Variants in SLC26A4 observed in about 807,000 individuals in gnomAD.
SLC26A4 encodes the protein solute carrier family 26 member 4.
SLC26A4 carries 93 observed loss-of-function variants against 90.4 expected under a neutral mutation model. That is an observed-to-expected ratio of 1.03 (90% CI 0.87 to 1.22). The LOEUF is 1.22. Ranked by LOEUF, SLC26A4 falls within the 50% of genes most tolerant of loss-of-function variation. SLC26A4 has a pLI of 0.00. For missense variants in SLC26A4, 1,127 were observed against 946.2 expected (o/e 1.19, Z -2.51); for synonymous variants, 393 against 354.6 (o/e 1.11, Z -1.22).
At chr7:107,699,129 A>G (rs899700472) in intron 14 of SLC26A4, among the ~76,000 whole-genome samples, 1 of 152,192 alleles carries the variant, frequency 6.6e-6, no homozygotes, top group Non-Finnish European at 1.5e-5. Context: ...AGTGCCATTA[A>G]GAGCTAAAAT....
At chr7:107,668,346 T>C (rs1790773281) in intron 3 of SLC26A4, among the ~76,000 whole-genome samples, 1 of 152,178 alleles carries the variant, frequency 6.6e-6, no homozygotes, top group African/African-American at 2.4e-5. Context: ...GTTAATTAAT[T>C]AGAAGCCTCG....
intron 6 of SLC26A4, among the ~76,000 whole-genome samples, chr7:107,679,890 T>A (rs1485799596): frequency 2.6e-5 from 2 of 75,688 alleles, no homozygotes; most frequent in Non-Finnish European, 4.5e-5. Flanking sequence ...TAATCTTATC[T>A]TATATAATCT....
In SLC26A4 at chr7:107,696,248, G is replaced by T. The variant is rs149781717; in HGVS notation, c.1544+209G>T. On this transcript the variant is annotated intron_variant, in intron 13 of 20. Transcript: ENST00000644269. ...TAGTTTTGATTAGTCTCATTCTACA[G>T]GTGAGAAAAGAGAAATTCAGAAAAG... is the stretch of plus-strand genomic sequence containing the variant. 2.4e-3 allele frequency among the ~76,000 whole-genome samples: 361 copies of T among 152,302 alleles called. 2 individuals are homozygous for T. Among genetic ancestry groups the T allele is most frequent in the African/African-American group, 8.3e-3 (347 of 41,562 alleles).
At position 107,661,920 on chromosome 7, in the gene SLC26A4, G is replaced by C; in HGVS notation, c.164+115G>C. On this transcript the variant is annotated intron_variant, in intron 2 of 20. Transcript: ENST00000644269. The surrounding 1 kb of genome is among the most constrained non-coding windows in gnomAD (Gnocchi z 5.1). ...GGTGCGGGCGGCGGAGCCCCTGGGC[G>C]CCAGCTGCTTCTCCCAGAGGCCCGA... is the stretch of plus-strand genomic sequence containing the variant. 1 of 1,193,596 alleles carries C rather than the reference G, an allele frequency of 8.4e-7. No individual in the cohort carries two copies. The highest frequency in any genetic ancestry group is 1.1e-6 in the Non-Finnish European group (1 of 873,856). The allele number at this position is 1,193,596 out of a possible 1,614,324, so 73.9% of individuals were successfully genotyped here. A position where few individuals can be genotyped will look rare whatever the true frequency, so the allele number is the denominator to read the frequency against.
At chr7:107,688,949 C>G (rs1584323838) in intron 8 of SLC26A4, 104 bp from the exon 9 acceptor site, 4 of 1,202,480 alleles carry the variant, frequency 3.3e-6, no homozygotes, top group Middle Eastern at 1.9e-4. Flanking sequence ...GGATCAAGTA[C>G]TTTCATGTCT....
chr7:107,705,998 T>C (rs933356828), intron 18 of SLC26A4, among the ~76,000 whole-genome samples: 5 of 152,226 alleles, frequency 3.3e-5, no homozygotes, highest in African/African-American at 1.2e-4. Flanking sequence ...TTGGTCTTCA[T>C]TGGAGTGTTG....
intron 2 of SLC26A4, among the ~76,000 whole-genome samples, chr7:107,662,863 TA>T (rs2129309052): frequency 1.3e-5 from 2 of 152,332 alleles, no homozygotes; most frequent in African/African-American, 4.8e-5. Flanking sequence ...AAGATTTTTG[TA>T]AAAACTAGCT....
chr7:107,706,398 T>C (rs914910580), intron 18 of SLC26A4, among the ~76,000 whole-genome samples: 4 of 152,302 alleles, frequency 2.6e-5, no homozygotes, highest in Admixed American at 2.6e-4. Flanking sequence ...CAGTGCACTA[T>C]GATTGTGCCT....
In SLC26A4 at chr7:107,689,539, T is replaced by G. The variant is rs971789305; in HGVS notation, c.1149+339T>G. ...CAATTATTTTTAACGGCAGTTATAA[T>G]GTGACAAAACAGTGCAACAAACATT... On this transcript the variant is annotated intron_variant, in intron 9 of 20. Coordinates refer to ENST00000644269, the MANE Select transcript of SLC26A4 (RefSeq NM_000441.2). 2.0e-5 allele frequency among the ~76,000 whole-genome samples: 3 copies of G among 152,208 alleles called. No individual in the cohort carries two copies. The highest frequency in any genetic ancestry group is 4.8e-5 in the African/African-American group (2 of 41,464).
At chr7:107,679,550 G>T (rs1345629003) in intron 6 of SLC26A4, among the ~76,000 whole-genome samples, 1 of 151,648 alleles carries the variant, frequency 6.6e-6, no homozygotes, top group African/African-American at 2.4e-5. Flanking sequence ...AGGTAATCCT[G>T]GGCAAGAACA....
chr7:107,661,435 A>T lies in SLC26A4; in HGVS notation c.-3-204A>T. The T allele has an allele frequency of 4.8e-6, 3 of 620,510 alleles. No individual in the cohort carries two copies. The highest frequency in any genetic ancestry group is 5.7e-6 in the Non-Finnish European group (2 of 350,350). 38.4% of individuals were successfully genotyped at this position (620,510 alleles called of 1,614,324 possible). A position where few individuals can be genotyped will look rare whatever the true frequency, so the allele number is the denominator to read the frequency against. Reference sequence around the variant, plus strand: ...CAGGCCACGAGACCCGAAGGTTCTCAGGTGCCCCCCTGCAGGCTGGCCGTG... The same window carrying T: ...CAGGCCACGAGACCCGAAGGTTCTCTGGTGCCCCCCTGCAGGCTGGCCGTG... On this transcript the variant is annotated intron_variant, in intron 1 of 20. Coordinates refer to ENST00000644269, the MANE Select transcript of SLC26A4 (RefSeq NM_000441.2). This position sits in a 1 kb window ranked among gnomAD's most constrained non-coding sequence, Gnocchi z 5.1.
At chr7:107,686,400 C>CTT (rs1203528189) in intron 8 of SLC26A4, among the ~76,000 whole-genome samples, 58 of 82,920 alleles carry the variant, frequency 7.0e-4, no homozygotes, top group African/African-American at 2.5e-3. Context: ...CTTCCTCTCT[C>CTT]TCTTTTTTCT....
chr7:107,676,422 T>C (rs1218608341), intron 6 of SLC26A4, among the ~76,000 whole-genome samples: 2 of 152,190 alleles, frequency 1.3e-5, no homozygotes, highest in African/African-American at 4.8e-5. Context: ...GTCTCAACAA[T>C]TATAAATGAA....
intron 6 of SLC26A4, among the ~76,000 whole-genome samples, chr7:107,677,095 T>C (rs1791043306): frequency 6.6e-6 from 1 of 152,184 alleles, no homozygotes; most frequent in Non-Finnish European, 1.5e-5. Context: ...GAGGATCACC[T>C]GAGCTCAGGA....
At chr7:107,710,802 G>T (rs1161888648) in intron 19 of SLC26A4, among the ~76,000 whole-genome samples, 2 of 152,194 alleles carry the variant, frequency 1.3e-5, no homozygotes, top group African/African-American at 4.8e-5. Context: ...ACCCAGAAGA[G>T]GTGAGCATTC....
intron 8 of SLC26A4, among the ~76,000 whole-genome samples, chr7:107,686,388 TCC>T (rs1584321196): frequency 2.0e-5 from 3 of 147,526 alleles, no homozygotes; most frequent in East Asian, 2.0e-4. Flanking sequence ...CTTCCTTCCT[TCC>T]TTCCTCTCTC....
intron 7 of SLC26A4, 25 bp downstream of exon 7, chr7:107,683,379 GT>G: frequency 1.9e-6 from 3 of 1,612,204 alleles, no homozygotes; most frequent in Non-Finnish European, 2.5e-6. Flanking sequence ...TAGTTAGAAA[GT>G]TCAGCATTAT....
At chr7:107,707,434 C>T (rs576923280) in intron 18 of SLC26A4, among the ~76,000 whole-genome samples, 1 of 152,266 alleles carries the variant, frequency 6.6e-6, no homozygotes, top group East Asian at 1.9e-4. Flanking sequence ...TTTGAAGTCA[C>T]AGCACTTTAG....
Position 107,661,783 on chromosome 7 carries a change from G to T in SLC26A4, c.142G>T (p.Glu48Ter), listed in dbSNP as rs201636911. The T allele has an allele frequency of 5.2e-6, 8 of 1,539,642 alleles. No individual in the cohort carries two copies. In the African/African-American group the frequency reaches 1.1e-4, roughly 21 times the overall value. Residue 48 changes from glutamate (E) to a stop codon, truncating the protein, a stop_gained, in exon 2 of 21, where the codon GAG (glutamate) becomes TAG (stop). Transcript: ENST00000644269. LOFTEE classifies it high-confidence loss of function. The surrounding 1 kb of genome is among the most constrained non-coding windows in gnomAD (Gnocchi z 5.1). The part of the protein sequence containing the change: ...RRLQERKTLR[E>*]SLAKCCSCSR... Reference sequence around the variant, plus strand: ...CCTGCAGGAGCGCAAGACGCTGCGGGAGAGCCTGGCCAAGTGCTGCAGGTA... The same window carrying T: ...CCTGCAGGAGCGCAAGACGCTGCGGTAGAGCCTGGCCAAGTGCTGCAGGTA...
Sources: gnomAD v4.1 joint callset for allele counts (sites outside exome capture counted in the v4.1 genomes callset) on GRCh38, gnomAD v4.1.1 for gene constraint, Gnocchi (gnomAD v3.1) non-coding constraint, MANE v1.5 for transcripts, NCBI Gene and HGNC (gene_info 2026-07-23, HGNC 2026-07-21) for gene names.